DUSP22: variants seen among roughly 807,000 people sequenced by gnomAD.
The protein encoded by DUSP22 is dual specificity protein phosphatase 22.
In DUSP22, 24 loss-of-function variants were observed where a neutral mutation model predicts 24.5. The ratio of observed to expected loss-of-function variants is 0.98; its 90% confidence interval spans 0.71 to 1.38. The LOEUF is 1.38. DUSP22 is among the 40% of genes most tolerant of loss of function. The probability of loss-of-function intolerance (pLI) is 0.00; values close to 1 mark genes in which losing one functional copy is unlikely to be tolerated. For synonymous variants in DUSP22, 160 were observed against 106.4 expected, an observed-to-expected ratio of 1.50 and a Z score of -3.10; for missense variants, 330 against 269.2, an observed-to-expected ratio of 1.23 and a Z score of -1.58.
In DUSP22 at chr6:335,311, G is replaced by T; in HGVS notation, c.188+148G>T. ...GGGAAGAGGCTGTGAGCCTACAGAG[G>T]CCAACGCTAGGCAGGCTGGGATGAG... is the stretch of plus-strand genomic sequence containing the variant. On this transcript the variant is annotated intron_variant, in intron 4 of 6. Coordinates refer to ENST00000419235, the MANE Select transcript of DUSP22 (RefSeq NM_001286555.3). 2.9e-6 allele frequency: 3 copies of T among 1,035,942 alleles called. No homozygotes were observed. The Admixed American group carries it at 6.9e-5, about 24-fold the overall frequency. 64.2% of individuals were successfully genotyped at this position (1,035,942 alleles called of 1,614,324 possible). A position where few individuals can be genotyped will look rare whatever the true frequency, so the allele number is the denominator to read the frequency against.
chr6:293,764 A>C (rs1226221409), intron 1 of DUSP22, among the ~76,000 whole-genome samples: 5 of 148,930 alleles, frequency 3.4e-5, no homozygotes, highest in Admixed American at 2.7e-4. Flanking sequence ...GCATATCAAT[A>C]CTGGGGTATT....
At chr6:342,275 A>G (rs1759643326) in intron 4 of DUSP22, among the ~76,000 whole-genome samples, 1 of 152,306 alleles carries the variant, frequency 6.6e-6, no homozygotes, top group African/African-American at 2.4e-5. Flanking sequence ...CTCTGCGTAC[A>G]GACACGGCTC....
intron 4 of DUSP22, among the ~76,000 whole-genome samples, chr6:336,759 A>G (rs1226636404): frequency 6.6e-6 from 1 of 152,294 alleles, no homozygotes; most frequent in Non-Finnish European, 1.5e-5. Flanking sequence ...ACAGAGTAGC[A>G]CTCTAGGCCT....
chr6:314,206 G>C (rs565635200), intron 3 of DUSP22, among the ~76,000 whole-genome samples: 2 of 152,418 alleles, frequency 1.3e-5, no homozygotes, highest in African/African-American at 4.8e-5. Context: ...CCTAAGTGAG[G>C]GTGATAAATG....
chr6:295,968 A>G (rs1471303201), intron 1 of DUSP22, among the ~76,000 whole-genome samples: 5 of 152,410 alleles, frequency 3.3e-5, no homozygotes, highest in East Asian at 1.9e-4. Flanking sequence ...AATGCCAGGC[A>G]GGGCAGAACC....
intron 4 of DUSP22, among the ~76,000 whole-genome samples, chr6:343,954 A>G (rs1361861549): frequency 6.6e-6 from 1 of 152,312 alleles, no homozygotes; most frequent in East Asian, 1.9e-4. Context: ...TCCATGGGCA[A>G]CTTTTGCTGT....
chr6:331,727 G>A (rs1759149337), intron 3 of DUSP22, among the ~76,000 whole-genome samples: 1 of 152,306 alleles, frequency 6.6e-6, no homozygotes, highest in Non-Finnish European at 1.5e-5. Flanking sequence ...GCTGTTCTAA[G>A]GTAACTCAAA....
intron 3 of DUSP22, among the ~76,000 whole-genome samples, chr6:320,926 G>T (rs1383278188): frequency 6.6e-6 from 1 of 152,306 alleles, no homozygotes; most frequent in Non-Finnish European, 1.5e-5. Context: ...AGGGATTGGG[G>T]ATAAAATACA....
intron 3 of DUSP22, 51 bp from the exon 4 acceptor site, chr6:335,063 A>G (rs1259540439): frequency 1.3e-6 from 2 of 1,586,086 alleles, no homozygotes; most frequent in East Asian, 2.2e-5. Flanking sequence ...ACTTTTCTCC[A>G]CTGAGTTTCA....
rs1207687756 is a variant in DUSP22, at chr6:349,300, T to G, written c.*349T>G. The G allele has an allele frequency of 1.2e-5, 14 of 1,205,174 alleles. No homozygotes were observed. Among genetic ancestry groups the G allele is most frequent in the Non-Finnish European group, 1.3e-5 (13 of 963,036 alleles). The allele number at this position is 1,205,174 out of a possible 1,614,324, so 74.7% of individuals were successfully genotyped here. A position where few individuals can be genotyped will look rare whatever the true frequency, so the allele number is the denominator to read the frequency against. ...GTATGTGCACCTAAGTGTGTACATGTGTGTATGTTGTGAAAGTGTCTGTGC... is the reference window on the plus strand; with the variant it reads ...GTATGTGCACCTAAGTGTGTACATGGGTGTATGTTGTGAAAGTGTCTGTGC... On this transcript the variant is annotated 3_prime_UTR_variant, in exon 7 of 7. Transcript: ENST00000419235.
intron 3 of DUSP22, among the ~76,000 whole-genome samples, chr6:319,678 T>G (rs1222868785): frequency 6.6e-6 from 1 of 152,308 alleles, no homozygotes; most frequent in East Asian, 1.9e-4. Flanking sequence ...ACTGTGGGTG[T>G]CAAGTTGCTA....
intron 3 of DUSP22, among the ~76,000 whole-genome samples, chr6:319,489 A>G (rs1222571913): frequency 2.6e-5 from 4 of 152,306 alleles, no homozygotes; most frequent in African/African-American, 9.6e-5. Flanking sequence ...TTACTGGTCT[A>G]GACTTTCTTT....
chr6:314,194 C>T (rs548895278), intron 3 of DUSP22, among the ~76,000 whole-genome samples: 1 of 152,418 alleles, frequency 6.6e-6, no homozygotes, highest in Non-Finnish European at 1.5e-5. Context: ...CTGGTGAGAG[C>T]CCCTAAGTGA....
intron 3 of DUSP22, among the ~76,000 whole-genome samples, chr6:321,378 A>G (rs1358807109): frequency 3.9e-5 from 6 of 152,306 alleles, no homozygotes; most frequent in African/African-American, 1.4e-4. Context: ...GAACAAAGCC[A>G]GGTGACACAT....
intron 4 of DUSP22, among the ~76,000 whole-genome samples, chr6:345,579 A>G (rs1470448768): frequency 6.6e-6 from 1 of 152,306 alleles, no homozygotes; most frequent in Non-Finnish European, 1.5e-5. Context: ...ATGTTTCAAG[A>G]TAGCTACAAG....
chr6:350,718 T>G lies in DUSP22; in HGVS notation c.*1767T>G. 1 of 1,607,516 alleles carries G rather than the reference T, an allele frequency of 6.2e-7. No homozygotes were observed. The highest frequency in any genetic ancestry group is 8.5e-7 in the Non-Finnish European group (1 of 1,177,090). On this transcript the variant is annotated 3_prime_UTR_variant, in exon 7 of 7. Transcript: ENST00000419235. Reference sequence around the variant, plus strand: ...ACAGAAAAATGATTTAGGATATAGCTTGAATGCTTAAATATGTGCACCTTT... The same window carrying G: ...ACAGAAAAATGATTTAGGATATAGCGTGAATGCTTAAATATGTGCACCTTT...
intron 2 of DUSP22, 43 bp from the exon 3 acceptor site, chr6:311,837 T>G (rs1243155589): frequency 1.0e-5 from 16 of 1,583,066 alleles, no homozygotes; most frequent in Non-Finnish European, 1.3e-5. Flanking sequence ...AGTAATTAAC[T>G]TGCAAAGATA....
rs560604196 is a variant in DUSP22 at position 349,749 on chromosome 6, C to T, written c.*798C>T. Reference sequence around the variant, plus strand: ...ATGCACCAGGCTGAGGGTTCCCTAGCGCCTTGAGTCAAGGCCACTTTTCAG... The same window carrying T: ...ATGCACCAGGCTGAGGGTTCCCTAGTGCCTTGAGTCAAGGCCACTTTTCAG... On this transcript the variant is annotated 3_prime_UTR_variant, in exon 7 of 7. Transcript: ENST00000419235. The T allele has an allele frequency of 8.5e-5, 84 of 986,004 alleles. No individual in the cohort carries two copies. The Middle Eastern group carries it at 2.6e-3, about 31-fold the overall frequency. 61.1% of individuals were successfully genotyped at this position (986,004 alleles called of 1,614,324 possible). A position where few individuals can be genotyped will look rare whatever the true frequency, so the allele number is the denominator to read the frequency against.
At chr6:293,250 G>A (rs888279507) in intron 1 of DUSP22, among the ~76,000 whole-genome samples, 5 of 152,274 alleles carry the variant, frequency 3.3e-5, no homozygotes, top group Non-Finnish European at 7.3e-5. Context: ...TTTGTTGCCC[G>A]CACCTCACTT....
Sources: allele counts gnomAD v4.1 joint callset (sites outside exome capture counted in the v4.1 genomes callset), GRCh38; gene constraint gnomAD v4.1.1; transcripts MANE v1.5; gene names NCBI Gene and HGNC (gene_info 2026-07-23, HGNC 2026-07-21).